Variants in EGFLAM observed in about 807,000 individuals in gnomAD.
The protein encoded by EGFLAM is EGF like, fibronectin type III and laminin G domains, also known as pikachurin.
In EGFLAM, 79 loss-of-function variants were observed where a neutral mutation model predicts 113.1. The observed-to-expected ratio is 0.70, with a 90% CI of 0.58 to 0.84. EGFLAM has a LOEUF of 0.84. Among genes scored for constraint, EGFLAM ranks in the 40% least tolerant of loss-of-function variants. The pLI is 0.00. For synonymous variants in EGFLAM, 504 were observed against 487.6 expected (o/e 1.03, Z -0.44); for missense variants, 1,265 against 1,291.6 (o/e 0.98, Z 0.32).
At chr5:38,350,387 C>A in intron 3 of EGFLAM, 114 bp from the exon 4 acceptor site, 2 of 1,010,622 alleles carry the variant, frequency 2.0e-6, no homozygotes, top group Non-Finnish European at 3.0e-6. Context: ...GCAAAACATT[C>A]TCTGTGCCAA....
At chr5:38,279,288 G>C (rs192219113) in intron 1 of EGFLAM, among the ~76,000 whole-genome samples, 1 of 152,264 alleles carries the variant, frequency 6.6e-6, no homozygotes, top group African/African-American at 2.4e-5. Flanking sequence ...AATTAGTATA[G>C]CCATTATGGA....
intron 1 of EGFLAM, among the ~76,000 whole-genome samples, chr5:38,260,872 C>G (rs1315438423): frequency 3.3e-5 from 5 of 152,178 alleles, no homozygotes; most frequent in Admixed American, 6.5e-5. Context: ...CTGCTTGGCT[C>G]TGATGTGAGC....
At chr5:38,460,058 T>G (rs558726607) in intron 20 of EGFLAM, among the ~76,000 whole-genome samples, 1 of 152,364 alleles carries the variant, frequency 6.6e-6, no homozygotes, top group East Asian at 1.9e-4. Flanking sequence ...GGCTTCTAAC[T>G]TCTTCATTTC....
chr5:38,374,615 G>T (rs957019009), intron 6 of EGFLAM, among the ~76,000 whole-genome samples: 1 of 152,184 alleles, frequency 6.6e-6, no homozygotes, highest in African/African-American at 2.4e-5. Context: ...AATTTGGGGA[G>T]GCTCAGACTC....
intron 6 of EGFLAM, chr5:38,403,889 C>T: frequency 6.2e-7 from 1 of 1,613,884 alleles, no homozygotes; most frequent in Non-Finnish European, 8.5e-7. Context: ...AACATGCATC[C>T]AGGTATAAAT....
chr5:38,462,348 G>T (rs1743310724), intron 20 of EGFLAM, among the ~76,000 whole-genome samples: 1 of 152,046 alleles, frequency 6.6e-6, no homozygotes, highest in Admixed American at 6.5e-5. Context: ...TTTCTTCCCT[G>T]GCCCGCTGTC....
intron 1 of EGFLAM, among the ~76,000 whole-genome samples, chr5:38,317,229 T>G (rs1579764539): frequency 6.6e-6 from 1 of 152,136 alleles, no homozygotes; most frequent in Non-Finnish European, 1.5e-5. Context: ...GTAACTTATA[T>G]AATGTTGCAT....
chr5:38,388,574 T>A (rs1740724580), intron 6 of EGFLAM, among the ~76,000 whole-genome samples: 1 of 151,436 alleles, frequency 6.6e-6, no homozygotes, highest in South Asian at 2.1e-4. Context: ...TGAAAGCCCA[T>A]CTCTACTAAA....
In EGFLAM at chr5:38,299,900, T is replaced by A. The variant is rs189656802; in HGVS notation, c.98-37620T>A. ...ATGTGCTGGGCAGTGTTTTTAGGTG[T>A]TTGGGATGCCTTAATGAACAAAAAC... On this transcript the variant is annotated intron_variant, in intron 1 of 21. Transcript: ENST00000322350. Among the ~76,000 whole-genome samples, 47 of 152,250 alleles carry A rather than the reference T, an allele frequency of 3.1e-4. 1 individual carries two copies. The highest frequency in any genetic ancestry group is 1.1e-3 in the African/African-American group (47 of 41,552).
intron 1 of EGFLAM, among the ~76,000 whole-genome samples, chr5:38,319,180 G>A (rs1738678221): frequency 6.6e-6 from 1 of 152,086 alleles, no homozygotes; most frequent in South Asian, 2.1e-4. Context: ...GGGTTCTCTG[G>A]AGTGAGACAT....
chr5:38,320,422 T>C (rs1738709466), intron 1 of EGFLAM, among the ~76,000 whole-genome samples: 1 of 152,220 alleles, frequency 6.6e-6, no homozygotes, highest in Non-Finnish European at 1.5e-5. Context: ...CTGGCTTAGA[T>C]GAATTTGAAA....
chr5:38,352,157 C>A (rs1739643769), intron 4 of EGFLAM, 39 bp from the exon 5 acceptor site: 1 of 1,612,810 alleles, frequency 6.2e-7, no homozygotes, highest in African/African-American at 1.3e-5. Context: ...ACGGCTGAGA[C>A]CACCAGCCTA....
At chr5:38,290,234 G>C (rs1014644034) in intron 1 of EGFLAM, among the ~76,000 whole-genome samples, 4 of 152,162 alleles carry the variant, frequency 2.6e-5, no homozygotes, top group African/African-American at 9.7e-5. Context: ...GTAGAACAGC[G>C]CTCCGCACTG....
At chr5:38,357,344 A>G (rs1335725200) in intron 5 of EGFLAM, among the ~76,000 whole-genome samples, 9 of 152,090 alleles carry the variant, frequency 5.9e-5, no homozygotes, top group Non-Finnish European at 4.4e-5. Flanking sequence ...TGGCACTTTG[A>G]TCTTGGACTT....
rs368910980 is a variant in EGFLAM at position 38,409,108 on chromosome 5, A to G, written c.1349+4A>G. Reference sequence around the variant, plus strand: ...TCCGACGCTCCCTGCAGTTCAGGTAATTCCTGCCAAAAGCCTCACACTCTT... The same window carrying G: ...TCCGACGCTCCCTGCAGTTCAGGTAGTTCCTGCCAAAAGCCTCACACTCTT... On this transcript the variant is annotated splice_donor_region_variant and intron_variant, in intron 10 of 21. Coordinates refer to ENST00000322350, the MANE Select transcript of EGFLAM (RefSeq NM_152403.4). The G allele has an allele frequency of 6.4e-7, 1 of 1,560,694 alleles. No individual in the cohort carries two copies. The highest frequency in any genetic ancestry group is 8.7e-7 in the Non-Finnish European group (1 of 1,151,508).
intron 6 of EGFLAM, among the ~76,000 whole-genome samples, chr5:38,402,724 C>T (rs1741155207): frequency 6.6e-6 from 1 of 151,978 alleles, no homozygotes; most frequent in Non-Finnish European, 1.5e-5. Flanking sequence ...TGTTAAGCAC[C>T]CAATAGTACC....
chr5:38,426,502 CTT>C (rs897868008), intron 13 of EGFLAM, among the ~76,000 whole-genome samples: 8 of 152,284 alleles, frequency 5.3e-5, no homozygotes, highest in African/African-American at 1.7e-4. Flanking sequence ...TTGGGGAAAA[CTT>C]TTGTGATCTC....
Position 38,408,012 on chromosome 5 carries a change from G to A in EGFLAM, c.1248+107G>A, listed in dbSNP as rs1379575515. On this transcript the variant is annotated intron_variant, in intron 9 of 21. Transcript: ENST00000322350. ...GAAGCGGGGCAGCAGGGAGAGCGACGAAAGGTAAATATGACACAGAGCCTG... is the reference window on the plus strand; with the variant it reads ...GAAGCGGGGCAGCAGGGAGAGCGACAAAAGGTAAATATGACACAGAGCCTG... 19 of 798,728 alleles carry A rather than the reference G, an allele frequency of 2.4e-5. No homozygotes were observed. The East Asian group carries it at 2.8e-4, about 12-fold the overall frequency. The allele number at this position is 798,728 out of a possible 1,614,324, so 49.5% of individuals were successfully genotyped here.
At chr5:38,299,682 T>C (rs919465664) in intron 1 of EGFLAM, among the ~76,000 whole-genome samples, 1 of 152,146 alleles carries the variant, frequency 6.6e-6, no homozygotes, top group African/African-American at 2.4e-5. Flanking sequence ...GTCATCTCAC[T>C]CTGAGTTCAT....
Sources: gnomAD v4.1 joint callset for allele counts (sites outside exome capture counted in the v4.1 genomes callset) on GRCh38, gnomAD v4.1.1 for gene constraint, MANE v1.5 for transcripts, NCBI Gene and HGNC (gene_info 2026-07-23, HGNC 2026-07-21) for gene names.